The following MEGF8 variants were observed in gnomAD, a reference collection of about 807,000 sequenced individuals.
MEGF8 encodes the protein multiple EGF like domains 8, also known as multiple epidermal growth factor-like domains protein 8.
A neutral mutation model predicts 302.9 loss-of-function variants in MEGF8; 156 were observed. That is an observed-to-expected ratio of 0.52 (90% CI 0.45 to 0.59). The LOEUF (loss-of-function observed/expected upper bound fraction) is 0.59, where lower values mean the gene tolerates loss of function less well. Ranked by LOEUF, MEGF8 falls within the 20% of genes least tolerant of loss-of-function variation. MEGF8 has a pLI of 0.00. For missense variants in MEGF8, 3,345 were observed against 3,964.5 expected (o/e 0.84, Z 4.20); for synonymous variants, 1,621 against 1,660.5 (o/e 0.98, Z 0.58).
chr19:42,352,329 G>A lies in MEGF8; in HGVS notation c.3223G>A (p.Val1075Met), dbSNP rs1349909441. The A allele has an allele frequency of 2.3e-5, 36 of 1,584,184 alleles. No individual in the cohort carries two copies. The Admixed American group carries it at 2.3e-4, about 10-fold the overall frequency. The part of the protein sequence containing the change: ...ARWAYARCPD[V>M]DECRLGLARC... ...CTGGGCATACGCCCGCTGTCCTGAC[G>A]TGGATGAGTGTCGCCTGGGCCTGGC... Residue 1075 changes from valine (V) to methionine (M), a missense_variant, in exon 19 of 42, where the codon GTG (valine) becomes ATG (methionine). Coordinates refer to ENST00000251268, the MANE Select transcript of MEGF8 (RefSeq NM_001271938.2). The surrounding 1 kb of genome is among the most constrained non-coding windows in gnomAD (Gnocchi z 4.4).
chr19:42,328,000 C>G (rs2147436986), intron 1 of MEGF8, among the ~76,000 whole-genome samples: 1 of 152,304 alleles, frequency 6.6e-6, no homozygotes, highest in Non-Finnish European at 1.5e-5. Flanking sequence ...GAGGCTGAGG[C>G]ACAAGAATCA....
chr19:42,357,555 C>T lies in MEGF8; in HGVS notation c.4982C>T (p.Ser1661Leu), dbSNP rs760174580. 1 of 1,611,546 alleles carries T rather than the reference C, an allele frequency of 6.2e-7. No individual in the cohort carries two copies. The highest frequency in any genetic ancestry group is 8.5e-7 in the Non-Finnish European group (1 of 1,179,030). ...CAGCTGGCAACCGGCACCTGGGTGT[C>T]AGGAGCCCAGAGTGGGACACCCCCC... ...EYQLATGTWV[S>L]GAQSGTPPTG... The change falls in exon 28 of 42, where the codon TCA (serine) becomes TTA (leucine). Residue 1661 changes from serine (S) to leucine (L), a missense_variant. Ser to Leu is a moderately radical substitution (Grantham distance 145). Transcript: ENST00000251268. The surrounding 1 kb of genome is among the most constrained non-coding windows in gnomAD (Gnocchi z 5.2).
chr19:42,328,914 C>G (rs2039020438), intron 1 of MEGF8, among the ~76,000 whole-genome samples: 2 of 152,042 alleles, frequency 1.3e-5, no homozygotes, highest in Admixed American at 1.3e-4. Context: ...GATATTCAGC[C>G]CCCAGTGTGT....
Position 42,344,363 on chromosome 19 carries a change from C to G in MEGF8, c.1789-78C>G. 8.6e-6 allele frequency: 13 copies of G among 1,503,346 alleles called. No individual in the cohort carries two copies. The highest frequency in any genetic ancestry group is 1.2e-5 in the Non-Finnish European group (13 of 1,130,246). The allele number at this position is 1,503,346 out of a possible 1,614,324, so 93.1% of individuals were successfully genotyped here. A position where few individuals can be genotyped will look rare whatever the true frequency, so the allele number is the denominator to read the frequency against. On this transcript the variant is annotated intron_variant, in intron 10 of 41. Transcript: ENST00000251268. The surrounding 1 kb of genome is among the most constrained non-coding windows in gnomAD (Gnocchi z 4.5). ...TTTTTCGCCCTTTCCATCGCAGGAC[C>G]CTGTATCCACAGCCCTTCCTTCCCA...
chr19:42,337,534 G>T (rs539482948), intron 8 of MEGF8, among the ~76,000 whole-genome samples: 1 of 144,022 alleles, frequency 6.9e-6, no homozygotes, highest in East Asian at 2.0e-4. Flanking sequence ...TTGAGACGGA[G>T]TCTCGCTGTT....
chr19:42,335,030 C>T lies in MEGF8; in HGVS notation c.559-5C>T, dbSNP rs751884846. On this transcript the variant is annotated splice_region_variant and splice_polypyrimidine_tract_variant and intron_variant, in intron 3 of 41. Coordinates refer to ENST00000251268, the MANE Select transcript of MEGF8 (RefSeq NM_001271938.2). The stretch of plus-strand genomic sequence containing the variant: ...ATCTCTGCCTTTATGTCTCCTTTCC[C>T]GCAGCCCCTGGGACCATGCCGCTGT... The T allele has an allele frequency of 2.6e-5, 42 of 1,601,346 alleles. No homozygotes were observed. Among genetic ancestry groups the T allele is most frequent in the East Asian group, 2.2e-4 (10 of 44,712 alleles).
At chr19:42,373,811 C>G (rs12981206) in intron 41 of MEGF8, among the ~76,000 whole-genome samples, 8 of 147,486 alleles carry the variant, frequency 5.4e-5, no homozygotes, top group Non-Finnish European at 1.0e-4. Context: ...CTCCTGAGCT[C>G]AAGTGATCCT....
chr19:42,371,231 C>G, intron 40 of MEGF8, 119 bp from the exon 41 acceptor site: 1 of 1,372,932 alleles, frequency 7.3e-7, no homozygotes, highest in Non-Finnish European at 9.8e-7. Context: ...ACAGCTTGAC[C>G]TCTGTGAACC....
chr19:42,351,288 C>A lies in MEGF8; in HGVS notation c.2809C>A (p.Arg937=). 4 of 1,569,538 alleles carry A rather than the reference C, an allele frequency of 2.5e-6. No homozygotes were observed. Among genetic ancestry groups the A allele is most frequent in the Non-Finnish European group, 2.6e-6 (3 of 1,156,988 alleles). ...DAACSRRGRG[R]GALKSPEECP... ...GGCATGCAGCCGGCGGGGCCGGGGTCGGGGTGCCCTGAAGAGTCCAGAGGA... is the reference window on the plus strand; with the variant it reads ...GGCATGCAGCCGGCGGGGCCGGGGTAGGGGTGCCCTGAAGAGTCCAGAGGA... Residue 937 remains arginine, a synonymous_variant, in exon 16 of 42, where the codon CGG becomes AGG. Coordinates refer to ENST00000251268, the MANE Select transcript of MEGF8 (RefSeq NM_001271938.2). The surrounding 1 kb of genome is among the most constrained non-coding windows in gnomAD (Gnocchi z 5.6).
At position 42,368,015 on chromosome 19, in the gene MEGF8, G is replaced by A. The variant is rs1338211414; in HGVS notation, c.6274-440G>A. ...TGACTCATTGCAGCCTCAAACTCCC[G>A]GGCTCAAAAAATCCTACCTCAGCCC... is the stretch of plus-strand genomic sequence containing the variant. On this transcript the variant is annotated intron_variant, in intron 35 of 41. Coordinates refer to ENST00000251268, the MANE Select transcript of MEGF8 (RefSeq NM_001271938.2). The surrounding 1 kb of genome is among the most constrained non-coding windows in gnomAD (Gnocchi z 4.9). Among the ~76,000 whole-genome samples the A allele has an allele frequency of 3.9e-5, 6 of 152,134 alleles. No homozygotes were observed. In the East Asian group the frequency reaches 5.8e-4, roughly 15 times the overall value.
chr19:42,378,271 CAGT>C lies in MEGF8; in HGVS notation c.*1497_*1499del, dbSNP rs1285428688. The C allele has an allele frequency of 6.6e-6, 1 of 152,448 alleles. No homozygotes were observed. Among genetic ancestry groups the C allele is most frequent in the African/African-American group, 2.4e-5 (1 of 41,432 alleles). 9.4% of individuals were successfully genotyped at this position (152,448 alleles called of 1,614,324 possible). ...ACCCCCAGGCTGCAGGGATAAAGCT[CAGT>C]GGTGGTGTTACCTCACCGGGGACCA... On this transcript the variant is annotated 3_prime_UTR_variant, in exon 42 of 42. Coordinates refer to ENST00000251268, the MANE Select transcript of MEGF8 (RefSeq NM_001271938.2).
chr19:42,329,208 A>G (rs1384322868), intron 1 of MEGF8, among the ~76,000 whole-genome samples: 3 of 152,150 alleles, frequency 2.0e-5, no homozygotes, highest in African/African-American at 7.2e-5. Flanking sequence ...GGGGCCTTGA[A>G]TGTCACACTG....
At position 42,359,250 on chromosome 19, in the gene MEGF8, C is replaced by T. The variant is rs1201227588; in HGVS notation, c.5488+8C>T. 16 of 1,543,626 alleles carry T rather than the reference C, an allele frequency of 1.0e-5. No individual in the cohort carries two copies. Among genetic ancestry groups the T allele is most frequent in the Non-Finnish European group, 1.4e-5 (16 of 1,144,388 alleles). ...TTCTGCCCGACCTCACCCGTAAGTC[C>T]CCATTGTGGCTCCCAGGAGGCTGAG... On this transcript the variant is annotated splice_region_variant and intron_variant, in intron 31 of 41. Coordinates refer to ENST00000251268, the MANE Select transcript of MEGF8 (RefSeq NM_001271938.2).
intron 35 of MEGF8, among the ~76,000 whole-genome samples, chr19:42,363,556 G>GAA (rs1285015366): frequency 6.6e-6 from 1 of 152,094 alleles, no homozygotes; most frequent in Non-Finnish European, 1.5e-5. Flanking sequence ...TCCTTTCCAT[G>GAA]ACTTTAAAAA....
chr19:42,344,903 G>A lies in MEGF8; in HGVS notation c.2097+70G>A. The A allele has an allele frequency of 7.0e-7, 1 of 1,423,802 alleles. No homozygotes were observed. Among genetic ancestry groups the A allele is most frequent in the South Asian group, 1.5e-5 (1 of 66,008 alleles). 88.2% of individuals were successfully genotyped at this position (1,423,802 alleles called of 1,614,324 possible). On this transcript the variant is annotated intron_variant, in intron 12 of 41. Coordinates refer to ENST00000251268, the MANE Select transcript of MEGF8 (RefSeq NM_001271938.2). This position sits in a 1 kb window ranked among gnomAD's most constrained non-coding sequence, Gnocchi z 4.5. Reference sequence around the variant, plus strand: ...TCCTAGGGTTTGTTTTTTCTCAAATGCATCTTTATCACTCTTATGTTTACT... The same window carrying A: ...TCCTAGGGTTTGTTTTTTCTCAAATACATCTTTATCACTCTTATGTTTACT...
chr19:42,336,946 G>A lies in MEGF8; in HGVS notation c.1384G>A (p.Val462Ile). The A allele has an allele frequency of 6.2e-7, 1 of 1,613,896 alleles. No homozygotes were observed. The highest frequency in any genetic ancestry group is 8.5e-7 in the Non-Finnish European group (1 of 1,179,848). Residue 462 changes from valine to isoleucine, a missense_variant, in exon 7 of 42, where the codon GTC becomes ATC. By Grantham distance (29) the Val-to-Ile change is conservative. Transcript: ENST00000251268. This position sits in a 1 kb window ranked among gnomAD's most constrained non-coding sequence, Gnocchi z 4.8. ...TASVLGNYMV[V>I]YGGNVHTHYQ... is the part of the protein sequence containing the mutation. ...CAGTGTTCTGGGCAATTACATGGTG[G>A]TCTATGGTGAGGAGGCTCCCCAATC...
chr19:42,368,834 C>T lies in MEGF8; in HGVS notation c.6482-9C>T, dbSNP rs776227273. 24 of 1,612,266 alleles carry T rather than the reference C, an allele frequency of 1.5e-5. No homozygotes were observed. The South Asian group carries it at 1.9e-4, about 13-fold the overall frequency. ...AGGTCCAGGTAAAATGCTATATCCC[C>T]GGTGCTAGGGCTGACATGTGGGCGT... On this transcript the variant is annotated splice_polypyrimidine_tract_variant and intron_variant, in intron 36 of 41. Transcript: ENST00000251268. The surrounding 1 kb of genome is among the most constrained non-coding windows in gnomAD (Gnocchi z 4.9).
chr19:42,344,865 TTGA>T lies in MEGF8; in HGVS notation c.2097+37_2097+39del, dbSNP rs771170532. The T allele has an allele frequency of 1.9e-5, 29 of 1,509,868 alleles. No individual in the cohort carries two copies. The highest frequency in any genetic ancestry group is 2.0e-5 in the Non-Finnish European group (23 of 1,125,084). 93.5% of individuals were successfully genotyped at this position (1,509,868 alleles called of 1,614,324 possible). ...AGGAGGCGTGGCCCTGGGTGGGGTGTTGATGATCCTGATCCTAGGGTTTGTTTT... is the reference window on the plus strand; with the variant it reads ...AGGAGGCGTGGCCCTGGGTGGGGTGTTGATCCTGATCCTAGGGTTTGTTTT... On this transcript the variant is annotated intron_variant, in intron 12 of 41. Coordinates refer to ENST00000251268, the MANE Select transcript of MEGF8 (RefSeq NM_001271938.2). The surrounding 1 kb of genome is among the most constrained non-coding windows in gnomAD (Gnocchi z 4.5).
intron 14 of MEGF8, 119 bp downstream of exon 14, chr19:42,349,818 A>T: frequency 1.8e-6 from 2 of 1,081,764 alleles, no homozygotes; most frequent in Non-Finnish European, 2.7e-6. Flanking sequence ...CGGACTCCTT[A>T]ACTCTTGGCC....
Sources: gnomAD v4.1 joint callset for allele counts (sites outside exome capture counted in the v4.1 genomes callset) on GRCh38, gnomAD v4.1.1 for gene constraint, Gnocchi (gnomAD v3.1) non-coding constraint, MANE v1.5 for transcripts, NCBI Gene and HGNC (gene_info 2026-07-23, HGNC 2026-07-21) for gene names.